Variants in LDB2 observed in about 807,000 individuals in gnomAD.
LDB2 encodes LIM domain binding 2, also known as LIM domain-binding protein 2.
In LDB2, 12 loss-of-function variants were observed where a neutral mutation model predicts 44.3. That is an observed-to-expected ratio of 0.27 (90% CI 0.17 to 0.44). LDB2 has a LOEUF of 0.44. Ranked by LOEUF, LDB2 falls within the 20% of genes least tolerant of loss-of-function variation. LDB2 has a pLI of 1.00. For missense variants in LDB2, 344 were observed against 473.5 expected, an observed-to-expected ratio of 0.73 and a Z score of 2.54; for synonymous variants, 164 against 174.8, an observed-to-expected ratio of 0.94 and a Z score of 0.49.
intron 2 of LDB2, among the ~76,000 whole-genome samples, chr4:16,700,926 T>C (rs747032016): frequency 4.3e-4 from 66 of 152,226 alleles, no homozygotes; most frequent in Admixed American, 7.2e-4. Flanking sequence ...ACAATACTAA[T>C]ATAAATAGCT....
chr4:16,890,413 G>A (rs754576289), intron 1 of LDB2, among the ~76,000 whole-genome samples: 2 of 152,170 alleles, frequency 1.3e-5, no homozygotes, highest in Admixed American at 6.5e-5. Flanking sequence ...CTGGGGGCTC[G>A]CAATGTCACC....
At chr4:16,698,772 C>T (rs956182036) in intron 2 of LDB2, among the ~76,000 whole-genome samples, 3 of 152,218 alleles carry the variant, frequency 2.0e-5, no homozygotes, top group Non-Finnish European at 4.4e-5. Context: ...TAAGTAAATG[C>T]AAACTTATTA....
At chr4:16,660,628 T>G (rs1388980437) in intron 2 of LDB2, among the ~76,000 whole-genome samples, 2 of 152,138 alleles carry the variant, frequency 1.3e-5, no homozygotes, top group East Asian at 3.9e-4. Flanking sequence ...AAAGATGAGG[T>G]AGACATCAAG....
chr4:16,888,548 A>AACAGTGAAAAGCCC, intron 1 of LDB2: 1 of 193,988 alleles, frequency 5.2e-6, no homozygotes, highest in Non-Finnish European at 9.4e-6. Flanking sequence ...GAACAACCAA[A>AACAGTGAAAAGCCC]CTCAAGAGTC....
chr4:16,721,666 G>A (rs567645625), intron 2 of LDB2, among the ~76,000 whole-genome samples: 25 of 152,230 alleles, frequency 1.6e-4, no homozygotes, highest in African/African-American at 6.0e-4. Context: ...GTCAGCAGAT[G>A]AAAAGTACTT....
intron 6 of LDB2, among the ~76,000 whole-genome samples, chr4:16,510,216 C>G (rs139948220): frequency 3.9e-5 from 6 of 152,330 alleles, no homozygotes; most frequent in Admixed American, 2.0e-4. Context: ...TCAAAGATCA[C>G]TTAGTCCAAT....
chr4:16,833,338 A>T (rs1452011792), intron 1 of LDB2, among the ~76,000 whole-genome samples: 1 of 152,204 alleles, frequency 6.6e-6, no homozygotes, highest in Non-Finnish European at 1.5e-5. Flanking sequence ...TTCAATAGAC[A>T]TTTCTTAATA....
chr4:16,756,950 T>C (rs1257317805), intron 2 of LDB2, among the ~76,000 whole-genome samples: 1 of 150,832 alleles, frequency 6.6e-6, no homozygotes, highest in Non-Finnish European at 1.5e-5. Flanking sequence ...ATGTGTGTGA[T>C]TGGGGATTTT....
chr4:16,708,979 G>A (rs1409897736), intron 2 of LDB2, among the ~76,000 whole-genome samples: 1 of 152,112 alleles, frequency 6.6e-6, no homozygotes, highest in African/African-American at 2.4e-5. Context: ...TGCAGAAGGT[G>A]TCCACTCCCT....
intron 2 of LDB2, among the ~76,000 whole-genome samples, chr4:16,721,196 A>T (rs1758201603): frequency 6.6e-6 from 1 of 152,200 alleles, no homozygotes; most frequent in African/African-American, 2.4e-5. Flanking sequence ...AATGAACCTT[A>T]TCTTTCCTTT....
At chr4:16,594,184 C>A (rs1241568245) in intron 3 of LDB2, among the ~76,000 whole-genome samples, 17 of 150,672 alleles carry the variant, frequency 1.1e-4, no homozygotes, top group East Asian at 2.0e-4. Context: ...AAAAAAAAAA[C>A]CAATAATGAA....
intron 1 of LDB2, among the ~76,000 whole-genome samples, chr4:16,822,616 T>C (rs539920012): frequency 2.4e-4 from 36 of 152,218 alleles, no homozygotes; most frequent in Middle Eastern, 6.8e-3. Context: ...CCTCCTGGTG[T>C]GATTCTCGTG....
At chr4:16,592,702 G>T (rs1165129568) in intron 3 of LDB2, among the ~76,000 whole-genome samples, 1 of 151,796 alleles carries the variant, frequency 6.6e-6, no homozygotes, top group Non-Finnish European at 1.5e-5. Flanking sequence ...CTCTGTAGCA[G>T]TAAAAAAATT....
chr4:16,813,163 T>A (rs1780225471), intron 1 of LDB2, among the ~76,000 whole-genome samples: 1 of 152,016 alleles, frequency 6.6e-6, no homozygotes, highest in Non-Finnish European at 1.5e-5. Context: ...TTTTTGTAAT[T>A]TCAGTAGAGA....
rs141189162 is a variant in LDB2, at chr4:16,858,025, C to T, written c.132+40329G>A. On this transcript the variant is annotated intron_variant, in intron 1 of 7. Coordinates refer to ENST00000304523, the MANE Select transcript of LDB2 (RefSeq NM_001290.5). ...CTTCTAAAATGGCAATAATACTGTC[C>T]CTCACAAGATTGATATTAATAATAA... is the stretch of plus-strand genomic sequence containing the variant. 9.5e-3 allele frequency among the ~76,000 whole-genome samples: 1,440 copies of T among 152,082 alleles called. 27 individuals are homozygous for T. The highest frequency in any genetic ancestry group is 0.033 in the African/African-American group (1,362 of 41,452).
intron 2 of LDB2, among the ~76,000 whole-genome samples, chr4:16,674,665 G>A (rs775608811): frequency 5.3e-5 from 8 of 152,230 alleles, no homozygotes; most frequent in Non-Finnish European, 8.8e-5. Context: ...CCCAATTTAC[G>A]CATTTTCTAT....
At chr4:16,640,766 T>C (rs532920451) in intron 2 of LDB2, among the ~76,000 whole-genome samples, 2 of 152,336 alleles carry the variant, frequency 1.3e-5, no homozygotes, top group Non-Finnish European at 2.9e-5. Context: ...CAGATAGTCT[T>C]GCTCTACCTT....
intron 2 of LDB2, among the ~76,000 whole-genome samples, chr4:16,738,230 C>A (rs1394098339): frequency 4.6e-5 from 7 of 152,148 alleles, no homozygotes; most frequent in Non-Finnish European, 1.0e-4. Context: ...TTCAGTAAAA[C>A]AAAGTTTAGA....
chr4:16,612,742 G>A (rs186355139), intron 2 of LDB2, among the ~76,000 whole-genome samples: 36 of 152,272 alleles, frequency 2.4e-4, no homozygotes, highest in East Asian at 2.3e-3. Context: ...CCCAGGACCG[G>A]ACGGATTCAC....
Sources: allele counts gnomAD v4.1 joint callset (sites outside exome capture counted in the v4.1 genomes callset), GRCh38; gene constraint gnomAD v4.1.1; transcripts MANE v1.5; gene names NCBI Gene and HGNC (gene_info 2026-07-23, HGNC 2026-07-21).